SEC14L6: variants seen among roughly 807,000 people sequenced by gnomAD.
SEC14L6 encodes the protein SEC14-like protein 6.
A neutral mutation model predicts 54.1 loss-of-function variants in SEC14L6; 40 were observed. The observed-to-expected ratio is 0.74, with a 90% CI of 0.57 to 0.96. The LOEUF is 0.96. Among genes scored for constraint, SEC14L6 ranks in the 40% least tolerant of loss-of-function variants. SEC14L6 has a pLI of 0.00. For synonymous variants in SEC14L6, 171 were observed against 198.4 expected, an observed-to-expected ratio of 0.86 and a Z score of 1.16; for missense variants, 471 against 498.3, an observed-to-expected ratio of 0.95 and a Z score of 0.52.
chr22:30,544,467 C>T (rs2085778060), intron 1 of SEC14L6, among the ~76,000 whole-genome samples: 1 of 152,142 alleles, frequency 6.6e-6, no homozygotes, highest in Non-Finnish European at 1.5e-5. Flanking sequence ...ATCCCACCTC[C>T]CCTGACCTCC....
chr22:30,532,340 T>C (rs1937005835), intron 5 of SEC14L6, 185 bp downstream of exon 5: 7 of 955,810 alleles, frequency 7.3e-6, no homozygotes, highest in Non-Finnish European at 8.7e-6. Flanking sequence ...GAGAAATGAT[T>C]CCCAGTTCAG....
intron 1 of SEC14L6, among the ~76,000 whole-genome samples, chr22:30,545,055 A>T (rs974620830): frequency 6.6e-6 from 1 of 152,140 alleles, no homozygotes; most frequent in African/African-American, 2.4e-5. Flanking sequence ...GATGGCAGGA[A>T]TCGAGACCTC....
At position 30,526,053 on chromosome 22, in the gene SEC14L6, C is replaced by A. The variant is rs1936770014; in HGVS notation, c.665-121G>T. On this transcript the variant is annotated intron_variant, in intron 8 of 11. Transcript: ENST00000402034. ...CTCCCTCCCTGGCGCGCTTTTGCCACTCCATTGCCTAGAGCAGTCCTGTCC... is the reference window on the plus strand; with the variant it reads ...CTCCCTCCCTGGCGCGCTTTTGCCAATCCATTGCCTAGAGCAGTCCTGTCC... The A allele has an allele frequency of 1.2e-4, 136 of 1,167,608 alleles. No homozygotes were observed. In the South Asian group the frequency reaches 1.6e-3, roughly 14 times the overall value. The allele number at this position is 1,167,608 out of a possible 1,614,324, so 72.3% of individuals were successfully genotyped here.
chr22:30,531,775 T>C, intron 6 of SEC14L6, 128 bp downstream of exon 6: 1 of 648,336 alleles, frequency 1.5e-6, no homozygotes, highest in Non-Finnish European at 2.7e-6. Context: ...TTGTGGGCAG[T>C]ACCTGTGGGC....
At chr22:30,543,703 G>T (rs2085764080) in intron 1 of SEC14L6, 16 of 1,608,176 alleles carry the variant, frequency 9.9e-6, no homozygotes, top group Middle Eastern at 1.8e-4. Flanking sequence ...GGTGGGCGTG[G>T]TGTGCACCTT....
Position 30,525,429 on chromosome 22 carries a change from T to C in SEC14L6, c.1002A>G (p.Thr334=), listed in dbSNP as rs536766022. 4.4e-5 allele frequency: 71 copies of C among 1,614,192 alleles called. No individual in the cohort carries two copies. The Middle Eastern group carries it at 4.9e-4, about 11-fold the overall frequency. ...TGTAGCGCTGGCTGGGCAGCACCTC[T>C]GTCATCTCCCTAGCCCTCTGCCGCT... is the stretch of plus-strand genomic sequence containing the variant. ...MGERQRAREM[T]EVLPSQRYNA... Residue 334 remains threonine (T), a synonymous_variant, in exon 11 of 12, where the codon ACA becomes ACG. Transcript: ENST00000402034.
intron 1 of SEC14L6, among the ~76,000 whole-genome samples, chr22:30,544,587 C>T (rs1443847297): frequency 6.6e-6 from 1 of 152,186 alleles, no homozygotes; most frequent in African/African-American, 2.4e-5. Context: ...GAACCCATAT[C>T]CAGACCTGGT....
Position 30,523,925 on chromosome 22 carries a change from G to C in SEC14L6, c.*1072C>G, listed in dbSNP as rs1214578694. The C allele has an allele frequency of 6.6e-6, 1 of 152,184 alleles. No homozygotes were observed. Among genetic ancestry groups the C allele is most frequent in the African/African-American group, 2.4e-5 (1 of 41,434 alleles). The allele number at this position is 152,184 out of a possible 1,614,324, so 9.4% of individuals were successfully genotyped here. A position where few individuals can be genotyped will look rare whatever the true frequency, so the allele number is the denominator to read the frequency against. On this transcript the variant is annotated 3_prime_UTR_variant, in exon 12 of 12. Coordinates refer to ENST00000402034, the MANE Select transcript of SEC14L6 (RefSeq NM_001193336.4). ...TCCTGGAGGGCCTGCCTCTCCTAGA[G>C]ATACAGCAACTTGCCCACAAATGCA...
At chr22:30,543,277 G>A in intron 1 of SEC14L6, 1 of 1,586,878 alleles carries the variant, frequency 6.3e-7, no homozygotes, top group Non-Finnish European at 8.7e-7. Context: ...CACCTTGCGG[G>A]GGGACTCTTT....
intron 3 of SEC14L6, 93 bp downstream of exon 3, chr22:30,533,903 A>G: frequency 8.3e-7 from 1 of 1,199,026 alleles, no homozygotes; most frequent in Non-Finnish European, 1.2e-6. Flanking sequence ...CCATGAATGA[A>G]TGAATGGATG....
intron 1 of SEC14L6, chr22:30,542,538 C>A (rs969637808): frequency 1.1e-5 from 13 of 1,177,698 alleles, no homozygotes; most frequent in Non-Finnish European, 1.5e-5. Flanking sequence ...GCTTCTAGTG[C>A]CTTCCAGCCC....
At chr22:30,543,390 G>A in intron 1 of SEC14L6, 1 of 1,593,554 alleles carries the variant, frequency 6.3e-7, no homozygotes, top group Admixed American at 1.7e-5. Flanking sequence ...TCACCTGCCA[G>A]GTGACGAAAT....
In SEC14L6 at chr22:30,522,850, C is replaced by T. The variant is rs979676088; in HGVS notation, c.*2147G>A. Reference sequence around the variant, plus strand: ...GCCCCCAAACTGGAAGCGACTCAACCAGCCTTTAACAGGGGAAGGGATAAA... The same window carrying T: ...GCCCCCAAACTGGAAGCGACTCAACTAGCCTTTAACAGGGGAAGGGATAAA... On this transcript the variant is annotated 3_prime_UTR_variant, in exon 12 of 12. Coordinates refer to ENST00000402034, the MANE Select transcript of SEC14L6 (RefSeq NM_001193336.4). The T allele has an allele frequency of 7.2e-5, 11 of 152,162 alleles. No individual in the cohort carries two copies. Among genetic ancestry groups the T allele is most frequent in the Admixed American group, 6.5e-4 (10 of 15,268 alleles). 9.4% of individuals were successfully genotyped at this position (152,162 alleles called of 1,614,324 possible). A position where few individuals can be genotyped will look rare whatever the true frequency, so the allele number is the denominator to read the frequency against.
At chr22:30,535,265 T>C (rs1408711431) in intron 2 of SEC14L6, among the ~76,000 whole-genome samples, 1 of 152,240 alleles carries the variant, frequency 6.6e-6, no homozygotes, top group Non-Finnish European at 1.5e-5. Flanking sequence ...TCCTCTGCCC[T>C]GAGCCCAGCC....
chr22:30,523,059 G>T lies in SEC14L6; in HGVS notation c.*1938C>A, dbSNP rs1050054521. 2.6e-5 allele frequency: 4 copies of T among 152,244 alleles called. No homozygotes were observed. The highest frequency in any genetic ancestry group is 9.6e-5 in the African/African-American group (4 of 41,470). The allele number at this position is 152,244 out of a possible 1,614,324, so 9.4% of individuals were successfully genotyped here. A position where few individuals can be genotyped will look rare whatever the true frequency, so the allele number is the denominator to read the frequency against. On this transcript the variant is annotated 3_prime_UTR_variant, in exon 12 of 12. Transcript: ENST00000402034. ...ACTCTGGAAAAAATCAAAAGTGTAG[G>T]GATGAAGAACAGATCAGTGGCTGTC... is the stretch of plus-strand genomic sequence containing the variant.
intron 1 of SEC14L6, chr22:30,543,369 C>T (rs2085758494): frequency 6.3e-7 from 1 of 1,576,858 alleles, no homozygotes; most frequent in African/African-American, 1.3e-5. Flanking sequence ...GGGCAGAGAA[C>T]CAGGTGAATA....
In SEC14L6 at chr22:30,529,169, G is replaced by A. The variant is rs897209767; in HGVS notation, c.582C>T (p.Ala194=). The A allele has an allele frequency of 2.1e-5, 33 of 1,550,904 alleles. No individual in the cohort carries two copies. Among genetic ancestry groups the A allele is most frequent in the Non-Finnish European group, 2.9e-5 (33 of 1,147,060 alleles). Residue 194 remains alanine (A), a splice_region_variant and synonymous_variant, in exon 8 of 12, where the codon GCC becomes GCT. Coordinates refer to ENST00000402034, the MANE Select transcript of SEC14L6 (RefSeq NM_001193336.4). ...TGAAGGCTACGGCGAATAGCTTGGG[G>A]GCTGAAACCAGGCACAGAACTGCTC... is the stretch of plus-strand genomic sequence containing the variant. ...EILKSLIVVR[A]PKLFAVAFNL...
At chr22:30,545,370 A>C (rs567373035) in intron 1 of SEC14L6, among the ~76,000 whole-genome samples, 2 of 152,260 alleles carry the variant, frequency 1.3e-5, no homozygotes, top group East Asian at 3.9e-4. Flanking sequence ...ACAGGATTCC[A>C]AAGACTCAGT....
intron 2 of SEC14L6, among the ~76,000 whole-genome samples, chr22:30,535,887 G>GTTTTTTTTTT (rs71643521): frequency 3.9e-5 from 5 of 128,520 alleles, no homozygotes; most frequent in East Asian, 4.7e-4. Flanking sequence ...AGTTTTTTGT[G>GTTTTTTTTTT]TTTTTTTTTT....
Sources: gnomAD v4.1 joint callset for allele counts (sites outside exome capture counted in the v4.1 genomes callset) on GRCh38, gnomAD v4.1.1 for gene constraint, MANE v1.5 for transcripts, NCBI Gene and HGNC (gene_info 2026-07-23, HGNC 2026-07-21) for gene names.